SC5D: variants seen among roughly 807,000 people sequenced by gnomAD.
SC5D encodes sterol-C5-desaturase, also known as lathosterol oxidase.
A neutral mutation model predicts 23.9 loss-of-function variants in SC5D; 21 were observed. The ratio of observed to expected loss-of-function variants is 0.88; its 90% confidence interval spans 0.62 to 1.26. The LOEUF is 1.26. SC5D is among the 50% of genes most tolerant of loss of function. SC5D has a pLI of 0.00. For missense variants in SC5D, 309 were observed against 364.8 expected (o/e 0.85, Z 1.25); for synonymous variants, 113 against 125.9 (o/e 0.90, Z 0.68).
chr11:121,300,324 T>C (rs1947917880), intron 1 of SC5D, among the ~76,000 whole-genome samples: 1 of 152,238 alleles, frequency 6.6e-6, no homozygotes, highest in Non-Finnish European at 1.5e-5. Context: ...CATGGTAGCC[T>C]TGAAAACTAA....
Position 121,312,084 on chromosome 11 carries a change from C to T in SC5D, c.*4572C>T, listed in dbSNP as rs2134274925. Among the ~76,000 whole-genome samples, 1 of 152,218 alleles carries T rather than the reference C, an allele frequency of 6.6e-6. No individual in the cohort carries two copies. The highest frequency in any genetic ancestry group is 1.5e-5 in the Non-Finnish European group (1 of 67,966). ...AAATAATTTCATTTAAAAAATGCATCACTTTGTGTGTTTTTATATTGCTAA... is the reference window on the plus strand; with the variant it reads ...AAATAATTTCATTTAAAAAATGCATTACTTTGTGTGTTTTTATATTGCTAA... On this transcript the variant is annotated 3_prime_UTR_variant, in exon 5 of 5. Transcript: ENST00000264027.
In SC5D at chr11:121,307,337, A is replaced by G. The variant is rs1244071186; in HGVS notation, c.725A>G (p.Gln242Arg). ...ATGTTCTTTGACTATAATTATGGAC[A>G]ATATTTCACTTTGTGGGATAGGATT... Reference protein sequence around the residue: ...HHMFFDYNYGQYFTLWDRIGG... With the variant: ...HHMFFDYNYGRYFTLWDRIGG... The change falls in exon 5 of 5, where the codon CAA (glutamine) becomes CGA (arginine). Residue 242 changes from glutamine (Q) to arginine (R), a missense_variant. Gln to Arg is a conservative substitution (Grantham distance 43). Coordinates refer to ENST00000264027, the MANE Select transcript of SC5D (RefSeq NM_006918.5). 1.2e-6 allele frequency: 2 copies of G among 1,614,050 alleles called. No homozygotes were observed. Among genetic ancestry groups the G allele is most frequent in the African/African-American group, 2.7e-5 (2 of 74,914 alleles).
Position 121,307,356 on chromosome 11 carries a change from T to C in SC5D, c.744T>C (p.Asp248=), listed in dbSNP as rs760187497. 34 of 1,614,002 alleles carry C rather than the reference T, an allele frequency of 2.1e-5. No individual in the cohort carries two copies. The highest frequency in any genetic ancestry group is 3.3e-5 in the Admixed American group (2 of 60,000). ...YNYGQYFTLW[D]RIGGSFKNPS... ...ATGGACAATATTTCACTTTGTGGGA[T>C]AGGATTGGCGGCTCATTCAAAAATC... The change falls in exon 5 of 5, where the codon GAT becomes GAC. Residue 248 remains aspartate (D), a synonymous_variant. Transcript: ENST00000264027.
At position 121,312,064 on chromosome 11, in the gene SC5D, A is replaced by G. The variant is rs143415170; in HGVS notation, c.*4552A>G. ...GTAAAATACATTGTGTTGTTAAATAATTTCATTTAAAAAATGCATCACTTT... is the reference window on the plus strand; with the variant it reads ...GTAAAATACATTGTGTTGTTAAATAGTTTCATTTAAAAAATGCATCACTTT... On this transcript the variant is annotated 3_prime_UTR_variant, in exon 5 of 5. Transcript: ENST00000264027. 5.1e-4 allele frequency among the ~76,000 whole-genome samples: 77 copies of G among 152,330 alleles called. No individual in the cohort carries two copies. The highest frequency in any genetic ancestry group is 1.7e-3 in the African/African-American group (69 of 41,586).
intron 1 of SC5D, among the ~76,000 whole-genome samples, chr11:121,294,756 A>G (rs1300457228): frequency 6.6e-6 from 1 of 152,190 alleles, no homozygotes; most frequent in Admixed American, 6.5e-5. Flanking sequence ...ACCTCACAGC[A>G]ATCAAACATG....
At position 121,312,565 on chromosome 11, in the gene SC5D, T is replaced by C. The variant is rs1430482775; in HGVS notation, c.*5053T>C. 3.3e-5 allele frequency among the ~76,000 whole-genome samples: 5 copies of C among 152,130 alleles called. No individual in the cohort carries two copies. The highest frequency in any genetic ancestry group is 5.9e-5 in the Non-Finnish European group (4 of 67,984). ...TTTCTAAACACTTCACAACTCACGA[T>C]TCAAACAAAGACAAAATAGCATATC... On this transcript the variant is annotated 3_prime_UTR_variant, in exon 5 of 5. Transcript: ENST00000264027.
At chr11:121,297,182 T>G (rs1358073083) in intron 1 of SC5D, among the ~76,000 whole-genome samples, 1 of 152,244 alleles carries the variant, frequency 6.6e-6, no homozygotes, top group Non-Finnish European at 1.5e-5. Context: ...TGGAGAGCGA[T>G]GTAGCAATAT....
At chr11:121,304,545 T>G (rs1394027297) in intron 3 of SC5D, 52 bp downstream of exon 3, 5 of 1,559,800 alleles carry the variant, frequency 3.2e-6, no homozygotes, top group Non-Finnish European at 4.4e-6. Flanking sequence ...CACAGGTTAG[T>G]TTCCTTAAAA....
At chr11:121,297,019 TAAG>T (rs1274147281) in intron 1 of SC5D, among the ~76,000 whole-genome samples, 1 of 152,196 alleles carries the variant, frequency 6.6e-6, no homozygotes, top group Non-Finnish European at 1.5e-5. Flanking sequence ...TTACTCATAA[TAAG>T]GTAAATGCAA....
intron 4 of SC5D, chr11:121,306,854 C>G (rs1252312296): frequency 1.5e-6 from 1 of 657,978 alleles, no homozygotes; most frequent in Non-Finnish European, 2.7e-6. Flanking sequence ...TGCAGTATAT[C>G]CATGGAACAC....
intron 1 of SC5D, among the ~76,000 whole-genome samples, chr11:121,295,345 G>A (rs935328563): frequency 2.0e-5 from 3 of 152,162 alleles, no homozygotes; most frequent in Non-Finnish European, 4.4e-5. Flanking sequence ...CTCACAGTGG[G>A]GGCTTCCAGG....
At position 121,303,405 on chromosome 11, in the gene SC5D, C is replaced by T; in HGVS notation, c.30C>T (p.Tyr10=). The T allele has an allele frequency of 6.2e-7, 1 of 1,614,002 alleles. No homozygotes were observed. Among genetic ancestry groups the T allele is most frequent in the Non-Finnish European group, 8.5e-7 (1 of 1,179,958 alleles). ...ATCTTGTACTCCGTGTTGCAGATTACTATTTTTTTACACCATACGTGTATC... is the reference window on the plus strand; with the variant it reads ...ATCTTGTACTCCGTGTTGCAGATTATTATTTTTTTACACCATACGTGTATC... MDLVLRVAD[Y]YFFTPYVYPA... Residue 10 remains tyrosine (Y), a synonymous_variant, in exon 2 of 5, where the codon TAC becomes TAT. Coordinates refer to ENST00000264027, the MANE Select transcript of SC5D (RefSeq NM_006918.5).
intron 1 of SC5D, among the ~76,000 whole-genome samples, chr11:121,295,133 AT>A (rs1212011418): frequency 6.6e-6 from 1 of 152,216 alleles, no homozygotes; most frequent in African/African-American, 2.4e-5. Context: ...AACCCCAGAT[AT>A]CTGAGACAGG....
At chr11:121,304,253 G>A in intron 2 of SC5D, 108 bp from the exon 3 acceptor site, 1 of 937,460 alleles carries the variant, frequency 1.1e-6, no homozygotes, top group Non-Finnish European at 1.7e-6. Flanking sequence ...TTGGAGGTAA[G>A]CCCCTTCATG....
At chr11:121,304,257 C>A in intron 2 of SC5D, 104 bp from the exon 3 acceptor site, 1 of 1,020,464 alleles carries the variant, frequency 9.8e-7, no homozygotes, top group East Asian at 2.5e-5. Flanking sequence ...AGGTAAGCCC[C>A]TTCATGTAAA....
intron 1 of SC5D, among the ~76,000 whole-genome samples, chr11:121,293,711 T>A (rs1455972046): frequency 6.6e-6 from 1 of 152,194 alleles, no homozygotes; most frequent in Non-Finnish European, 1.5e-5. Flanking sequence ...TTTTTTAAAG[T>A]TTCTAATGAT....
Position 121,307,043 on chromosome 11 carries a change from C to G in SC5D, c.445-14C>G. ...TAAAGTTTGCAGTGCTAATTGTGTC[C>G]TTTTCTCCTGCAGCGCCTACATAAA... On this transcript the variant is annotated splice_polypyrimidine_tract_variant and intron_variant, in intron 4 of 4. Coordinates refer to ENST00000264027, the MANE Select transcript of SC5D (RefSeq NM_006918.5). 6.2e-7 allele frequency: 1 copy of G among 1,610,898 alleles called. No individual in the cohort carries two copies.
At chr11:121,306,608 A>G in intron 4 of SC5D, 122 bp downstream of exon 4, 1 of 709,500 alleles carries the variant, frequency 1.4e-6, no homozygotes, top group Non-Finnish European at 2.6e-6. Flanking sequence ...AGTAGCCATA[A>G]TCATAACAGG....
At chr11:121,295,629 C>T (rs915258671) in intron 1 of SC5D, among the ~76,000 whole-genome samples, 1 of 152,150 alleles carries the variant, frequency 6.6e-6, no homozygotes, top group African/African-American at 2.4e-5. Context: ...AGGAATAAAG[C>T]GGGAGGCAGG....
Sources: gnomAD v4.1 joint callset for allele counts (sites outside exome capture counted in the v4.1 genomes callset) on GRCh38, gnomAD v4.1.1 for gene constraint, MANE v1.5 for transcripts, NCBI Gene and HGNC (gene_info 2026-07-23, HGNC 2026-07-21) for gene names.